The following AKAP7 variants were observed in gnomAD, a reference collection of about 807,000 sequenced individuals.
The protein encoded by AKAP7 is A kinase (PRKA) anchor protein 7.
Under a neutral mutation model 39.5 loss-of-function variants are expected in AKAP7, and 39 were observed. The ratio of observed to expected loss-of-function variants is 0.99; its 90% CI spans 0.76 to 1.29. The LOEUF (loss-of-function observed/expected upper bound fraction) is 1.29, where lower values mean the gene tolerates loss of function less well. AKAP7 is among the 50% of genes most tolerant of loss of function. The pLI is 0.00. For missense variants in AKAP7, 414 were observed against 407.7 expected, an observed-to-expected ratio of 1.02 and a Z score of -0.13; for synonymous variants, 140 against 139.1, an observed-to-expected ratio of 1.01 and a Z score of -0.05.
intron 7 of AKAP7, among the ~76,000 whole-genome samples, chr6:131,262,056 G>T (rs544793819): frequency 6.6e-6 from 1 of 152,238 alleles, no homozygotes; most frequent in Non-Finnish European, 1.5e-5. Flanking sequence ...AATAGGGACC[G>T]TCAAAGCTGG....
intron 3 of AKAP7, among the ~76,000 whole-genome samples, 158 bp from the exon 4 acceptor site, chr6:131,164,923 A>T (rs1447300788): frequency 1.3e-5 from 2 of 152,234 alleles, no homozygotes; most frequent in African/African-American, 2.4e-5. Context: ...CTGTTTGAGA[A>T]CAAGTAGACA....
At chr6:131,197,968 G>GT (rs1807116639) in intron 5 of AKAP7, among the ~76,000 whole-genome samples, 1 of 152,164 alleles carries the variant, frequency 6.6e-6, no homozygotes. Context: ...AGGAAGTGGT[G>GT]TATCAAGCGA....
intron 4 of AKAP7, 25 bp from the exon 5 acceptor site, chr6:131,169,088 T>G (rs772677374): frequency 1.3e-6 from 2 of 1,561,178 alleles, no homozygotes; most frequent in Non-Finnish European, 1.8e-6. Flanking sequence ...AATGTGTTAC[T>G]GAAAAATGTA....
chr6:131,184,957 G>A (rs1177107154), intron 5 of AKAP7: 9 of 785,294 alleles, frequency 1.1e-5, no homozygotes, highest in Non-Finnish European at 2.1e-5. Context: ...CCCTTTCCCC[G>A]ATGCTTGGGA....
chr6:131,233,087 A>G (rs1810761234), intron 7 of AKAP7, among the ~76,000 whole-genome samples: 1 of 152,014 alleles, frequency 6.6e-6, no homozygotes, highest in Admixed American at 6.6e-5. Flanking sequence ...AACTTGGTTT[A>G]ATTTTTTTGA....
chr6:131,185,140 T>G (rs1805702518), intron 5 of AKAP7: 1 of 598,352 alleles, frequency 1.7e-6, no homozygotes, highest in Non-Finnish European at 3.2e-6. Context: ...ACCTCTAAAC[T>G]GCTGCTGTCC....
intron 7 of AKAP7, among the ~76,000 whole-genome samples, chr6:131,241,022 A>T (rs1165905055): frequency 1.3e-4 from 20 of 152,154 alleles, no homozygotes; most frequent in Admixed American, 1.2e-3. Flanking sequence ...TCACGCTGGG[A>T]GCTGTAGACT....
Position 131,281,555 on chromosome 6 carries a change from T to C in AKAP7, c.876T>C (p.Asp292=). ...GTGAAAAGAACGGAGGGGAGCCCGATGACGCTGAACTAGTAAGGCTCAGTA... is the reference window on the plus strand; with the variant it reads ...GTGAAAAGAACGGAGGGGAGCCCGACGACGCTGAACTAGTAAGGCTCAGTA... ...VIGEKNGGEP[D]DAELVRLSKR... The change falls in exon 8 of 8, where the codon GAT becomes GAC. Residue 292 remains aspartate (D), a synonymous_variant. Coordinates refer to ENST00000431975, the MANE Select transcript of AKAP7 (RefSeq NM_016377.4). The surrounding 1 kb of genome is among the most constrained non-coding windows in gnomAD (Gnocchi z 4.0). The C allele has an allele frequency of 6.2e-7, 1 of 1,610,886 alleles. No homozygotes were observed. The highest frequency in any genetic ancestry group is 8.5e-7 in the Non-Finnish European group (1 of 1,178,478).
chr6:131,205,086 T>C (rs945086086), intron 6 of AKAP7, among the ~76,000 whole-genome samples: 2 of 152,148 alleles, frequency 1.3e-5, no homozygotes, highest in African/African-American at 4.8e-5. Context: ...TCTGGATTAT[T>C]ACAGGAAATA....
At chr6:131,256,776 G>A (rs1422149963) in intron 7 of AKAP7, among the ~76,000 whole-genome samples, 1 of 151,666 alleles carries the variant, frequency 6.6e-6, no homozygotes, top group African/African-American at 2.4e-5. Context: ...CTGGCCTCAA[G>A]TGATCCTCCC....
In AKAP7 at chr6:131,169,261, T is replaced by A; in HGVS notation, c.577T>A (p.Leu193Met). The A allele has an allele frequency of 1.9e-6, 3 of 1,613,868 alleles. No individual in the cohort carries two copies. Among genetic ancestry groups the A allele is most frequent in the Non-Finnish European group, 2.5e-6 (3 of 1,179,904 alleles). ...LAEGDHVNSL[L>M]EIAETANRTF... is the part of the protein sequence containing the mutation. ...AGAAGGAGATCATGTAAACTCACTT[T>A]TGGAGATAGCAGGTAAAACAGCAAC... The change falls in exon 5 of 8, where the codon TTG (leucine) becomes ATG (methionine). Residue 193 changes from leucine (L) to methionine (M), a missense_variant. Coordinates refer to ENST00000431975, the MANE Select transcript of AKAP7 (RefSeq NM_016377.4).
At chr6:131,173,822 T>G (rs1478981007) in intron 5 of AKAP7, among the ~76,000 whole-genome samples, 1 of 152,224 alleles carries the variant, frequency 6.6e-6, no homozygotes, top group African/African-American at 2.4e-5. Context: ...AAGAAACATT[T>G]CTAATTACTC....
At chr6:131,272,717 A>G (rs904008333) in intron 7 of AKAP7, among the ~76,000 whole-genome samples, 2 of 152,196 alleles carry the variant, frequency 1.3e-5, no homozygotes, top group African/African-American at 4.8e-5. Context: ...AAAAACATGC[A>G]TTGGATGAGT....
At chr6:131,209,622 A>G (rs1808466201) in intron 6 of AKAP7, among the ~76,000 whole-genome samples, 1 of 152,226 alleles carries the variant, frequency 6.6e-6, no homozygotes, top group East Asian at 1.9e-4. Context: ...GCAGTATCAG[A>G]GTATTCAAGT....
chr6:131,170,789 A>T (rs1332961715), intron 5 of AKAP7, among the ~76,000 whole-genome samples: 1 of 152,198 alleles, frequency 6.6e-6, no homozygotes, highest in Non-Finnish European at 1.5e-5. Flanking sequence ...CATACAGATT[A>T]ATTGTTAGAA....
chr6:131,166,152 A>T (rs181881824), intron 4 of AKAP7, among the ~76,000 whole-genome samples: 9 of 152,172 alleles, frequency 5.9e-5, no homozygotes, highest in Admixed American at 5.2e-4. Context: ...TTAGAGGTCA[A>T]TCTTATGATC....
chr6:131,148,859 G>C (rs1413341372), intron 2 of AKAP7, among the ~76,000 whole-genome samples: 9 of 152,186 alleles, frequency 5.9e-5, no homozygotes, highest in African/African-American at 1.9e-4. Context: ...TGTACATTTA[G>C]TAATCAGTCT....
intron 7 of AKAP7, among the ~76,000 whole-genome samples, chr6:131,229,036 C>T (rs1318768254): frequency 6.6e-6 from 1 of 152,046 alleles, no homozygotes; most frequent in Non-Finnish European, 1.5e-5. Context: ...TGAAGTAGGT[C>T]GACCCAAAGA....
chr6:131,160,021 A>G, intron 2 of AKAP7, 38 bp from the exon 3 acceptor site: 3 of 1,497,384 alleles, frequency 2.0e-6, no homozygotes, highest in Non-Finnish European at 2.7e-6. Flanking sequence ...ATCTTTGTTT[A>G]AATGTATTAG....
Sources: gnomAD v4.1 joint callset for allele counts (sites outside exome capture counted in the v4.1 genomes callset) on GRCh38, gnomAD v4.1.1 for gene constraint, Gnocchi (gnomAD v3.1) non-coding constraint, MANE v1.5 for transcripts, NCBI Gene and HGNC (gene_info 2026-07-23, HGNC 2026-07-21) for gene names.